Variants in PDE10A observed in about 807,000 individuals in gnomAD.
PDE10A encodes the protein cAMP and cAMP-inhibited cGMP 3',5'-cyclic phosphodiesterase 10A.
PDE10A carries 39 observed loss-of-function variants against 97.7 expected under a neutral mutation model. The ratio of observed to expected loss-of-function variants is 0.40; its 90% CI spans 0.31 to 0.52. The LOEUF is 0.52. Among genes scored for constraint, PDE10A ranks in the 20% least tolerant of loss-of-function variants. The pLI is 0.56. For missense variants in PDE10A, 731 were observed against 1,047.8 expected (o/e 0.70, Z 4.17); for synonymous variants, 371 against 376.8 (o/e 0.98, Z 0.18).
chr6:165,735,746 A>T (rs1274046028), intron 1 of PDE10A, among the ~76,000 whole-genome samples: 1 of 152,164 alleles, frequency 6.6e-6, no homozygotes, highest in Non-Finnish European at 1.5e-5. Context: ...TGCCGTACTC[A>T]TTCTGTTTAA....
rs1291418257 is a variant in PDE10A, at chr6:165,955,018, C to A, written c.-615+32511G>T. ...CTGCCTTACACCTCCACAAGGATCT[C>A]CTCGCTGCCCAGGTTGGGACCTGGC... is the stretch of plus-strand genomic sequence containing the variant. On this transcript the variant is annotated intron_variant, in intron 1 of 19. Coordinates refer to the PDE10A transcript ENST00000366882. Among the ~76,000 whole-genome samples, 4 of 152,194 alleles carry A rather than the reference C, an allele frequency of 2.6e-5. No individual in the cohort carries two copies. In the East Asian group the frequency reaches 7.8e-4, roughly 30 times the overall value.
chr6:165,911,256 A>G (rs1264485895), intron 1 of PDE10A, among the ~76,000 whole-genome samples: 1 of 152,264 alleles, frequency 6.6e-6, no homozygotes, highest in African/African-American at 2.4e-5. Context: ...CTTTGTATTA[A>G]TACTAGTAAT....
At chr6:165,496,793 C>T in intron 2 of PDE10A, among the ~76,000 whole-genome samples, 1 of 152,164 alleles carries the variant, frequency 6.6e-6, no homozygotes, top group East Asian at 1.9e-4. Context: ...TGCTAAAATG[C>T]TAGAAATCGC....
intron 1 of PDE10A, among the ~76,000 whole-genome samples, chr6:165,937,893 T>C (rs150548382): frequency 2.6e-5 from 4 of 152,244 alleles, no homozygotes; most frequent in Non-Finnish European, 5.9e-5. Context: ...TTCTTACCTG[T>C]CAAAGCCTAA....
chr6:165,522,913 C>T (rs1397877338), intron 2 of PDE10A, among the ~76,000 whole-genome samples: 1 of 151,928 alleles, frequency 6.6e-6, no homozygotes, highest in African/African-American at 2.4e-5. Flanking sequence ...TGATAAATGG[C>T]ATCAATAAAA....
chr6:165,632,001 G>A (rs1365811136), intron 1 of PDE10A, among the ~76,000 whole-genome samples: 1 of 151,896 alleles, frequency 6.6e-6, no homozygotes, highest in Non-Finnish European at 1.5e-5. Flanking sequence ...AGGAGTTTGA[G>A]ACCAGCCTGA....
Position 165,396,454 on chromosome 6 carries a change from A to T in PDE10A, c.2082T>A (p.Tyr694Ter). The T allele has an allele frequency of 6.2e-7, 1 of 1,609,822 alleles. No individual in the cohort carries two copies. The highest frequency in any genetic ancestry group is 8.5e-7 in the Non-Finnish European group (1 of 1,177,734). The change falls in exon 14 of 22, where the codon TAT becomes TAA. Residue 694 changes from tyrosine (Y) to a stop codon, truncating the protein, a stop_gained. Coordinates refer to ENST00000539869, the MANE Select transcript of PDE10A (RefSeq NM_001385079.1). LOFTEE classifies it high-confidence loss of function. The part of the protein sequence containing the change: ...CALALHCANM[Y>*]HRIRHSECIY... Reference sequence around the variant, plus strand: ...TGCACTCTGAGTGGCGAATTCTATGATACATCTAGAAGGCAAATCCAAAAA... The same window carrying T: ...TGCACTCTGAGTGGCGAATTCTATGTTACATCTAGAAGGCAAATCCAAAAA...
At chr6:165,751,724 G>T (rs73030244) in intron 1 of PDE10A, among the ~76,000 whole-genome samples, 2 of 152,088 alleles carry the variant, frequency 1.3e-5, no homozygotes, top group Non-Finnish European at 2.9e-5. Context: ...TCCCAGCAGC[G>T]CTATGACAAT....
intron 17 of PDE10A, among the ~76,000 whole-genome samples, chr6:165,387,444 T>A (rs1184170877): frequency 6.6e-6 from 1 of 151,968 alleles, no homozygotes; most frequent in African/African-American, 2.4e-5. Context: ...GAAAAAAAAA[T>A]CCTGGCATTT....
At chr6:165,399,418 T>A (rs1396891737) in intron 13 of PDE10A, among the ~76,000 whole-genome samples, 1 of 152,166 alleles carries the variant, frequency 6.6e-6, no homozygotes, top group African/African-American at 2.4e-5. Flanking sequence ...ACTGCCCAAA[T>A]CCAATACTTA....
At chr6:165,596,203 ATC>A (rs1387858432) in intron 1 of PDE10A, among the ~76,000 whole-genome samples, 2 of 152,070 alleles carry the variant, frequency 1.3e-5, no homozygotes, top group African/African-American at 4.8e-5. Context: ...CTTATAGCTA[ATC>A]CATCAGGAAA....
chr6:165,800,435 C>T (rs1778952808), intron 1 of PDE10A, among the ~76,000 whole-genome samples: 1 of 152,206 alleles, frequency 6.6e-6, no homozygotes, highest in South Asian at 2.1e-4. Context: ...CAGGGAGCAT[C>T]GGCTGGAACT....
Position 165,332,272 on chromosome 6 carries a change from A to C in PDE10A, c.*753T>G, listed in dbSNP as rs1781383378. 6.6e-6 allele frequency: 1 copy of C among 152,232 alleles called. No individual in the cohort carries two copies. Among genetic ancestry groups the C allele is most frequent in the South Asian group, 2.1e-4 (1 of 4,834 alleles). The allele number at this position is 152,232 out of a possible 1,614,324, so 9.4% of individuals were successfully genotyped here. A position where few individuals can be genotyped will look rare whatever the true frequency, so the allele number is the denominator to read the frequency against. On this transcript the variant is annotated 3_prime_UTR_variant, in exon 22 of 22. Coordinates refer to ENST00000539869, the MANE Select transcript of PDE10A (RefSeq NM_001385079.1). ...ACAACAAAAACAATTTTAAAAACTG[A>C]CATCTTTTGAACTGCTACTTGAAGT...
chr6:165,865,877 T>TA (rs933874022), intron 1 of PDE10A, among the ~76,000 whole-genome samples: 2 of 151,866 alleles, frequency 1.3e-5, no homozygotes, highest in Non-Finnish European at 2.9e-5. Context: ...AAATAATAGC[T>TA]AAAAAAAATT....
At chr6:165,835,891 G>A (rs954056032) in intron 1 of PDE10A, among the ~76,000 whole-genome samples, 2 of 152,166 alleles carry the variant, frequency 1.3e-5, no homozygotes, top group African/African-American at 4.8e-5. Context: ...GGGTCAGAAA[G>A]TCTTCCAGTA....
chr6:165,394,660 T>C (rs1335062772), intron 15 of PDE10A, among the ~76,000 whole-genome samples: 1 of 152,194 alleles, frequency 6.6e-6, no homozygotes, highest in Non-Finnish European at 1.5e-5. Flanking sequence ...TCTACAATGG[T>C]TGAACTAATT....
chr6:165,768,645 A>T (rs1318649367), intron 1 of PDE10A, among the ~76,000 whole-genome samples: 4 of 152,170 alleles, frequency 2.6e-5, no homozygotes, highest in African/African-American at 4.8e-5. Flanking sequence ...TTTTTAAAAA[A>T]TTAGGATAAT....
intron 1 of PDE10A, among the ~76,000 whole-genome samples, chr6:165,934,403 G>T (rs1783255099): frequency 6.6e-6 from 1 of 151,786 alleles, no homozygotes; most frequent in Non-Finnish European, 1.5e-5. Context: ...GTTTGAATCT[G>T]ATATTTTGCC....
In PDE10A at chr6:165,340,646, A is replaced by G. The variant is rs140137448; in HGVS notation, c.2896-1288T>C. On this transcript the variant is annotated intron_variant, in intron 19 of 21. Transcript: ENST00000539869. ...TATGTACTCGAAACAAAAATGCTAA[A>G]AAGGAAAAGAACCCAGTGCTACAGA... is the stretch of plus-strand genomic sequence containing the variant. 1.3e-3 allele frequency among the ~76,000 whole-genome samples: 200 copies of G among 152,378 alleles called. 1 individual carries two copies. Among genetic ancestry groups the G allele is most frequent in the African/African-American group, 4.6e-3 (190 of 41,588 alleles).
Sources: gnomAD v4.1 joint callset for allele counts (sites outside exome capture counted in the v4.1 genomes callset) on GRCh38, gnomAD v4.1.1 for gene constraint, MANE v1.5 for transcripts, NCBI Gene and HGNC (gene_info 2026-07-23, HGNC 2026-07-21) for gene names.